SNX29: variants seen among roughly 807,000 people sequenced by gnomAD.
SNX29 encodes the protein sorting nexin-29.
SNX29 carries 78 observed loss-of-function variants against 102.1 expected under a neutral mutation model. That is an observed-to-expected ratio of 0.76 (90% CI 0.64 to 0.92). The LOEUF (loss-of-function observed/expected upper bound fraction) is 0.92, where lower values mean the gene tolerates loss of function less well. Among genes scored for constraint, SNX29 ranks in the 40% least tolerant of loss-of-function variants. The pLI is 0.00. For synonymous variants in SNX29, 580 were observed against 414.5 expected, an observed-to-expected ratio of 1.40 and a Z score of -4.85; for missense variants, 1,280 against 1,061.7, an observed-to-expected ratio of 1.21 and a Z score of -2.86.
intron 16 of SNX29, among the ~76,000 whole-genome samples, chr16:12,387,589 C>T (rs1212765249): frequency 6.6e-6 from 1 of 152,142 alleles, no homozygotes; most frequent in Non-Finnish European, 1.5e-5. Context: ...ATTGTGCAGC[C>T]AGCAGGATGC....
chr16:12,161,956 A>G (rs2055803243), intron 13 of SNX29, among the ~76,000 whole-genome samples: 1 of 152,240 alleles, frequency 6.6e-6, no homozygotes, highest in East Asian at 1.9e-4. Flanking sequence ...TGAGCAATGC[A>G]AAATGGACTA....
intron 20 of SNX29, chr16:12,560,873 G>A (rs1043830130): frequency 1.6e-5 from 3 of 186,878 alleles, no homozygotes; most frequent in African/African-American, 7.0e-5. Flanking sequence ...TAGTCCTTTA[G>A]TTCAAGATTT....
chr16:12,224,899 T>C (rs973498492), intron 14 of SNX29, among the ~76,000 whole-genome samples: 6 of 152,134 alleles, frequency 3.9e-5, no homozygotes, highest in Non-Finnish European at 8.8e-5. Context: ...TGGCTGTACA[T>C]AGGGCCAGCT....
At chr16:12,391,988 T>G (rs2083546949) in intron 16 of SNX29, among the ~76,000 whole-genome samples, 3 of 152,268 alleles carry the variant, frequency 2.0e-5, no homozygotes. Flanking sequence ...CCTCTGACGC[T>G]TGCTTCTCAG....
At chr16:12,259,469 C>T (rs2078669909) in intron 14 of SNX29, among the ~76,000 whole-genome samples, 1 of 152,192 alleles carries the variant, frequency 6.6e-6, no homozygotes, top group African/African-American at 2.4e-5. Flanking sequence ...GGATGTTTCT[C>T]TGCCTCCTCC....
chr16:12,268,295 TCTAGTGCCTGGTAC>T (rs2078992979), intron 14 of SNX29, among the ~76,000 whole-genome samples: 2 of 152,190 alleles, frequency 1.3e-5, no homozygotes, highest in Non-Finnish European at 2.9e-5. Context: ...TCCCTGTATC[TCTAGTGCCTGGTAC>T]CTGGCAGGTA....
In SNX29 at chr16:12,347,205, C is replaced by A. The variant is rs185200038; in HGVS notation, c.1783-8958C>A. 4.6e-5 allele frequency among the ~76,000 whole-genome samples: 7 copies of A among 151,964 alleles called. No individual in the cohort carries two copies. In the East Asian group the frequency reaches 1.4e-3, roughly 29 times the overall value. ...AGCCTCTGCTTAGTGACTCTGCAGA[C>A]AGAGCCTACACAGCACTGTCTCGGT... On this transcript the variant is annotated intron_variant, in intron 15 of 20. Transcript: ENST00000566228.
chr16:12,496,960 A>C (rs2088858419), intron 19 of SNX29, among the ~76,000 whole-genome samples: 1 of 152,234 alleles, frequency 6.6e-6, no homozygotes, highest in African/African-American at 2.4e-5. Flanking sequence ...CTTGATGTCC[A>C]GGTGCTCCTG....
chr16:12,028,575 G>T (rs1422227074), intron 4 of SNX29, among the ~76,000 whole-genome samples: 1 of 151,940 alleles, frequency 6.6e-6, no homozygotes, highest in East Asian at 1.9e-4. Flanking sequence ...TGTTGGCCAG[G>T]CTGGTCTCAA....
At chr16:12,337,732 C>G (rs879350328) in intron 15 of SNX29, among the ~76,000 whole-genome samples, 1 of 152,196 alleles carries the variant, frequency 6.6e-6, no homozygotes, top group African/African-American at 2.4e-5. Context: ...CATTCAGTGA[C>G]GGTGATGGCG....
At chr16:12,407,787 G>A (rs1179426797) in intron 18 of SNX29, among the ~76,000 whole-genome samples, 4 of 152,214 alleles carry the variant, frequency 2.6e-5, no homozygotes, top group Non-Finnish European at 4.4e-5. Context: ...GAGATTCTGT[G>A]TTACTGAAGG....
intron 14 of SNX29, among the ~76,000 whole-genome samples, chr16:12,251,688 G>A (rs1209954942): frequency 6.6e-6 from 1 of 152,178 alleles, no homozygotes; most frequent in African/African-American, 2.4e-5. Flanking sequence ...GGGCAACAGA[G>A]TAAGACTCTG....
chr16:12,415,339 T>C (rs919219245), intron 18 of SNX29, among the ~76,000 whole-genome samples: 3 of 152,226 alleles, frequency 2.0e-5, no homozygotes, highest in Admixed American at 2.0e-4. Context: ...AGGATTGCCT[T>C]GGAGTCTTGA....
At chr16:12,553,261 C>T (rs774575788) in intron 20 of SNX29, among the ~76,000 whole-genome samples, 1 of 152,242 alleles carries the variant, frequency 6.6e-6, no homozygotes, top group South Asian at 2.1e-4. Context: ...TACAAGACCA[C>T]TGCCGCCTAG....
At chr16:12,201,584 C>T (rs2076916006) in intron 14 of SNX29, among the ~76,000 whole-genome samples, 2 of 152,190 alleles carry the variant, frequency 1.3e-5, no homozygotes, top group African/African-American at 4.8e-5. Flanking sequence ...ATGCTTTTAA[C>T]TTTACTGTGC....
chr16:12,097,590 T>G (rs1256138811), intron 11 of SNX29, among the ~76,000 whole-genome samples: 2 of 152,142 alleles, frequency 1.3e-5, no homozygotes, highest in African/African-American at 4.8e-5. Context: ...ATTTGAGGTC[T>G]GCTGCATTCC....
intron 15 of SNX29, among the ~76,000 whole-genome samples, chr16:12,296,843 A>C (rs1232704082): frequency 6.6e-6 from 1 of 152,266 alleles, no homozygotes; most frequent in African/African-American, 2.4e-5. Flanking sequence ...AGGCCCACCT[A>C]GGTCAGGTGA....
intron 13 of SNX29, among the ~76,000 whole-genome samples, chr16:12,171,521 C>T (rs1254383074): frequency 6.6e-6 from 1 of 152,236 alleles, no homozygotes; most frequent in African/African-American, 2.4e-5. Flanking sequence ...GAGCACCCAG[C>T]TCTGGCTGTA....
rs192912845 is a variant in SNX29, at chr16:12,055,700, A to G, written c.1124+3478A>G. Among the ~76,000 whole-genome samples the G allele has an allele frequency of 3.9e-5, 6 of 152,214 alleles. No individual in the cohort carries two copies. The East Asian group carries it at 7.7e-4, about 20-fold the overall frequency. ...CCTTTGGAAGGTCTGTCTTTTTCCT[A>G]TCGAGGCCTTGCACTGCTTGCATGA... On this transcript the variant is annotated intron_variant, in intron 8 of 20. Coordinates refer to ENST00000566228, the MANE Select transcript of SNX29 (RefSeq NM_032167.5).
Sources: gnomAD v4.1 joint callset for allele counts (sites outside exome capture counted in the v4.1 genomes callset) on GRCh38, gnomAD v4.1.1 for gene constraint, MANE v1.5 for transcripts, NCBI Gene and HGNC (gene_info 2026-07-23, HGNC 2026-07-21) for gene names.